KCNQ1: variants seen among roughly 807,000 people sequenced by gnomAD.
KCNQ1 encodes potassium voltage-gated channel subfamily Q member 1.
In KCNQ1, 49 loss-of-function variants were observed where a neutral mutation model predicts 72.4. That is an observed-to-expected ratio of 0.68 (90% CI 0.54 to 0.86). The LOEUF (loss-of-function observed/expected upper bound fraction) is 0.86, where lower values mean the gene tolerates loss of function less well. Ranked by LOEUF, KCNQ1 falls within the 40% of genes least tolerant of loss-of-function variation. KCNQ1 has a pLI of 0.00. For missense variants in KCNQ1, 790 were observed against 945.1 expected, an observed-to-expected ratio of 0.84 and a Z score of 2.15; for synonymous variants, 450 against 412.6, an observed-to-expected ratio of 1.09 and a Z score of -1.10.
chr11:2,719,701 G>A (rs1178634890), intron 11 of KCNQ1, among the ~76,000 whole-genome samples: 1 of 152,188 alleles, frequency 6.6e-6, no homozygotes, highest in Non-Finnish European at 1.5e-5. Context: ...AGTGTAGGAA[G>A]TCCTGCCCTC....
At position 2,632,139 on chromosome 11, in the gene KCNQ1, C is replaced by T. The variant is rs570248409; in HGVS notation, c.1394-29822C>T. 8.0e-4 allele frequency: 313 copies of T among 391,142 alleles called. No homozygotes were observed. The highest frequency in any genetic ancestry group is 6.1e-4 in the Non-Finnish European group (138 of 224,854). 24.2% of individuals were successfully genotyped at this position (391,142 alleles called of 1,614,324 possible). A position where few individuals can be genotyped will look rare whatever the true frequency, so the allele number is the denominator to read the frequency against. On this transcript the variant is annotated intron_variant, in intron 10 of 15. Coordinates refer to ENST00000155840, the MANE Select transcript of KCNQ1 (RefSeq NM_000218.3). ...CAGAGCTTGCAGTGAGCCGAGATCG[C>T]GCCACTACACTCTAGCCTGGGCGAC...
rs1413125687 is a variant in KCNQ1, at chr11:2,599,210, A to C, written c.1393+10356A>C. On this transcript the variant is annotated intron_variant, in intron 10 of 15. Coordinates refer to ENST00000155840, the MANE Select transcript of KCNQ1 (RefSeq NM_000218.3). This position sits in a 1 kb window ranked among gnomAD's most constrained non-coding sequence, Gnocchi z 4.7. ...TATAATATTCAATGAAATAAAATAC[A>C]TGTGACATAATGAAGGCATTATCAT... Among the ~76,000 whole-genome samples, 1 of 152,220 alleles carries C rather than the reference A, an allele frequency of 6.6e-6. No homozygotes were observed. Among genetic ancestry groups the C allele is most frequent in the East Asian group, 1.9e-4 (1 of 5,196 alleles).
intron 11 of KCNQ1, among the ~76,000 whole-genome samples, chr11:2,760,633 G>A (rs917802903): frequency 6.6e-6 from 1 of 152,184 alleles, no homozygotes; most frequent in African/African-American, 2.4e-5. Context: ...GAGGGCACCA[G>A]CCCCGGGCCC....
chr11:2,532,087 C>T (rs372226570), intron 2 of KCNQ1, among the ~76,000 whole-genome samples: 6 of 152,190 alleles, frequency 3.9e-5, no homozygotes, highest in Non-Finnish European at 7.3e-5. Context: ...CAGCACTCAG[C>T]CTCTTGTCAG....
In KCNQ1 at chr11:2,447,580, G is replaced by A. The variant is rs1030992770; in HGVS notation, c.386+2096G>A. ...GGACCAGTCTCTTGAGGGGAGACCT[G>A]GTCATAGAACCAGGATGGCAGAGTA... On this transcript the variant is annotated intron_variant, in intron 1 of 15. Coordinates refer to ENST00000155840, the MANE Select transcript of KCNQ1 (RefSeq NM_000218.3). This position sits in a 1 kb window ranked among gnomAD's most constrained non-coding sequence, Gnocchi z 7.6. 7.9e-5 allele frequency among the ~76,000 whole-genome samples: 12 copies of A among 152,116 alleles called. No individual in the cohort carries two copies. Among genetic ancestry groups the A allele is most frequent in the Non-Finnish European group, 1.8e-4 (12 of 68,004 alleles).
At position 2,790,627 on chromosome 11, in the gene KCNQ1, G is replaced by A. The variant is rs1186785920; in HGVS notation, c.1794+12590G>A. Reference sequence around the variant, plus strand: ...GGTGCAAGCTCTGCCCCCTACACGCGATGGCTGTGAGACTCGGCGAGTCAC... The same window carrying A: ...GGTGCAAGCTCTGCCCCCTACACGCAATGGCTGTGAGACTCGGCGAGTCAC... On this transcript the variant is annotated intron_variant, in intron 15 of 15. Transcript: ENST00000155840. Among the ~76,000 whole-genome samples, 6 of 152,234 alleles carry A rather than the reference G, an allele frequency of 3.9e-5. No homozygotes were observed. In the East Asian group the frequency reaches 9.6e-4, roughly 24 times the overall value.
Position 2,683,490 on chromosome 11 carries a change from A to G in KCNQ1, c.1514+21409A>G. ...TCAATGACAGTTTTCCTATTAAAAC[A>G]TAACTTGTTAAAGCATAGAGCTTAG... On this transcript the variant is annotated intron_variant, in intron 11 of 15. Coordinates refer to ENST00000155840, the MANE Select transcript of KCNQ1 (RefSeq NM_000218.3). This position sits in a 1 kb window ranked among gnomAD's most constrained non-coding sequence, Gnocchi z 4.7. 1 of 398,640 alleles carries G rather than the reference A, an allele frequency of 2.5e-6. No individual in the cohort carries two copies. The highest frequency in any genetic ancestry group is 4.4e-5 in the Admixed American group (1 of 22,742). 24.7% of individuals were successfully genotyped at this position (398,640 alleles called of 1,614,324 possible). A position where few individuals can be genotyped will look rare whatever the true frequency, so the allele number is the denominator to read the frequency against.
chr11:2,549,536 G>T lies in KCNQ1; in HGVS notation c.478-21092G>T, dbSNP rs1281285831. ...CAGAGGGAGTGGAGTGTCACCGGGT[G>T]TCCCGGCGTGGGCAGGTCCTGTTGT... On this transcript the variant is annotated intron_variant, in intron 2 of 15. Transcript: ENST00000155840. The surrounding 1 kb of genome is among the most constrained non-coding windows in gnomAD (Gnocchi z 6.2). Among the ~76,000 whole-genome samples the T allele has an allele frequency of 1.3e-5, 2 of 152,084 alleles. No homozygotes were observed. The highest frequency in any genetic ancestry group is 2.4e-5 in the African/African-American group (1 of 41,370).
intron 1 of KCNQ1, among the ~76,000 whole-genome samples, chr11:2,503,787 C>A (rs1847054960): frequency 6.6e-6 from 1 of 152,092 alleles, no homozygotes; most frequent in African/African-American, 2.4e-5. Context: ...TGAGATATGA[C>A]CCCACCCTGG....
rs530311745 is a variant in KCNQ1, at chr11:2,745,753, G to A, written c.1515-23091G>A. Among the ~76,000 whole-genome samples the A allele has an allele frequency of 3.3e-5, 5 of 152,366 alleles. No homozygotes were observed. The highest frequency in any genetic ancestry group is 1.9e-4 in the East Asian group (1 of 5,182). ...TGACGGTTCCTTGTCTGCTCACTAA[G>A]CGTGCCTTGGAGAAGGCCGCTCAGC... On this transcript the variant is annotated intron_variant, in intron 11 of 15. Transcript: ENST00000155840. The surrounding 1 kb of genome is among the most constrained non-coding windows in gnomAD (Gnocchi z 6.2).
intron 10 of KCNQ1, chr11:2,630,240 C>T: frequency 2.5e-6 from 1 of 397,938 alleles, no homozygotes; most frequent in Non-Finnish European, 4.4e-6. Context: ...ACTTAACTGT[C>T]CTTATGTACT....
intron 7 of KCNQ1, among the ~76,000 whole-genome samples, chr11:2,583,992 G>T (rs1371285373): frequency 1.4e-4 from 21 of 152,314 alleles, no homozygotes; most frequent in Admixed American, 1.2e-3. Context: ...GTGGGTGTGT[G>T]TGTGTGTGTT....
At chr11:2,640,389 C>A in intron 10 of KCNQ1, 1 of 398,594 alleles carries the variant, frequency 2.5e-6, no homozygotes. Flanking sequence ...AGGCTCAAGT[C>A]ATTCTCCATC....
rs1380335317 is a variant in KCNQ1, at chr11:2,515,135, G to A, written c.387-12793G>A. Among the ~76,000 whole-genome samples, 5 of 152,114 alleles carry A rather than the reference G, an allele frequency of 3.3e-5. No homozygotes were observed. The highest frequency in any genetic ancestry group is 6.5e-5 in the Admixed American group (1 of 15,274). On this transcript the variant is annotated intron_variant, in intron 1 of 15. Transcript: ENST00000155840. This position sits in a 1 kb window ranked among gnomAD's most constrained non-coding sequence, Gnocchi z 4.7. ...TGCGCCCATCAGCCGGATATTGGACGTTATACTCAATAGGTAATTTTTCAA... is the reference window on the plus strand; with the variant it reads ...TGCGCCCATCAGCCGGATATTGGACATTATACTCAATAGGTAATTTTTCAA...
intron 1 of KCNQ1, 90 bp downstream of exon 1, chr11:2,445,574 G>C: frequency 6.9e-7 from 1 of 1,445,938 alleles, no homozygotes; most frequent in Non-Finnish European, 9.4e-7. Flanking sequence ...CTGCCCCGTC[G>C]GAGCTGCGAC....
At chr11:2,786,361 A>C (rs911195003) in intron 15 of KCNQ1, among the ~76,000 whole-genome samples, 1 of 152,144 alleles carries the variant, frequency 6.6e-6, no homozygotes, top group Non-Finnish European at 1.5e-5. Context: ...GCTGCCTTTA[A>C]GATCTTTCCT....
At chr11:2,739,349 C>T (rs1315952224) in intron 11 of KCNQ1, among the ~76,000 whole-genome samples, 1 of 152,196 alleles carries the variant, frequency 6.6e-6, no homozygotes, top group Non-Finnish European at 1.5e-5. Context: ...CCTGAGGTCA[C>T]ATGGTAACAC....
At chr11:2,751,447 C>T (rs1198734699) in intron 11 of KCNQ1, among the ~76,000 whole-genome samples, 3 of 152,084 alleles carry the variant, frequency 2.0e-5, no homozygotes, top group South Asian at 2.1e-4. Flanking sequence ...ATCTGTCCCA[C>T]GTTCCACCCC....
At chr11:2,727,388 A>C (rs1845782824) in intron 11 of KCNQ1, among the ~76,000 whole-genome samples, 1 of 152,172 alleles carries the variant, frequency 6.6e-6, no homozygotes, top group African/African-American at 2.4e-5. Flanking sequence ...GACGGCACCC[A>C]AGGATCATTC....
Sources: allele counts gnomAD v4.1 joint callset (sites outside exome capture counted in the v4.1 genomes callset), GRCh38; gene constraint gnomAD v4.1.1; non-coding constraint Gnocchi (gnomAD v3.1); transcripts MANE v1.5; gene names NCBI Gene and HGNC (gene_info 2026-07-23, HGNC 2026-07-21).